DAB1: variants seen among roughly 807,000 people sequenced by gnomAD.
The protein encoded by DAB1 is DAB adaptor protein 1.
Under a neutral mutation model 64.6 loss-of-function variants are expected in DAB1, and 15 were observed. That is an observed-to-expected ratio of 0.23 (90% CI 0.16 to 0.36). The LOEUF is 0.36. Ranked by LOEUF, DAB1 falls within the 10% of genes least tolerant of loss-of-function variation. The probability of loss-of-function intolerance (pLI) is 1.00; values close to 1 mark genes in which losing one functional copy is unlikely to be tolerated. For synonymous variants in DAB1, 235 were observed against 251.9 expected, an observed-to-expected ratio of 0.93 and a Z score of 0.64; for missense variants, 596 against 706.7, an observed-to-expected ratio of 0.84 and a Z score of 1.78.
At chr1:58,246,914 A>ATG in intron 4 of DAB1, among the ~76,000 whole-genome samples, 1 of 152,004 alleles carries the variant, frequency 6.6e-6, no homozygotes, top group South Asian at 2.1e-4. Context: ...CGGTGTGAGC[A>ATG]TGTGTGTGTG....
chr1:58,424,913 T>C (rs994245273), intron 3 of DAB1, among the ~76,000 whole-genome samples: 1 of 148,976 alleles, frequency 6.7e-6, no homozygotes, highest in African/African-American at 2.5e-5. Flanking sequence ...GTGGTGTGGG[T>C]GGGTGGGTGA....
chr1:57,141,359 G>T (rs1658573741), intron 3 of DAB1, among the ~76,000 whole-genome samples: 1 of 152,154 alleles, frequency 6.6e-6, no homozygotes. Context: ...AGGAGAGAGA[G>T]GTCAGGGCAT....
intron 1 of DAB1, among the ~76,000 whole-genome samples, chr1:57,396,805 C>A (rs1682846163): frequency 6.6e-6 from 1 of 152,134 alleles, no homozygotes; most frequent in South Asian, 2.1e-4. Context: ...GTTAGTAAGT[C>A]CAGGCCTCAG....
At chr1:57,913,338 T>C (rs1018088260) in intron 5 of DAB1, among the ~76,000 whole-genome samples, 12 of 152,168 alleles carry the variant, frequency 7.9e-5, no homozygotes, top group Admixed American at 2.0e-4. Context: ...AAACAAGAAA[T>C]GGGGAAAGGA....
At chr1:57,800,658 G>A (rs879843229) in intron 6 of DAB1, among the ~76,000 whole-genome samples, 7 of 152,124 alleles carry the variant, frequency 4.6e-5, no homozygotes, top group Admixed American at 6.5e-5. Context: ...TACAGTCTCG[G>A]GAAGAAATAC....
chr1:58,216,182 C>T (rs1269252251), intron 4 of DAB1, among the ~76,000 whole-genome samples: 1 of 152,024 alleles, frequency 6.6e-6, no homozygotes, highest in African/African-American at 2.4e-5. Context: ...CCTCCCTTAG[C>T]CCCCACCCCC....
rs140124824 is a variant in DAB1 at position 58,046,486 on chromosome 1, T to G, written n.387+104025A>C. ...GTTGATTTTTTTTTCGAAGGTAGGATTATGAACTACTTTAAGGCCCTCTGA... is the reference window on the plus strand; with the variant it reads ...GTTGATTTTTTTTTCGAAGGTAGGAGTATGAACTACTTTAAGGCCCTCTGA... On this transcript the variant is annotated intron_variant and non_coding_transcript_variant, in intron 5 of 20. Coordinates refer to the DAB1 transcript ENST00000485760. Among the ~76,000 whole-genome samples the G allele has an allele frequency of 2.7e-3, 406 of 152,244 alleles. 1 individual carries two copies. Among genetic ancestry groups the G allele is most frequent in the African/African-American group, 7.8e-3 (324 of 41,538 alleles).
chr1:57,737,548 T>G (rs948403344), intron 6 of DAB1, among the ~76,000 whole-genome samples: 4 of 152,170 alleles, frequency 2.6e-5, no homozygotes, highest in African/African-American at 9.7e-5. Context: ...CTTAGGAAAA[T>G]GACGGGCACG....
chr1:57,156,846 T>C (rs1660269430), intron 2 of DAB1, among the ~76,000 whole-genome samples: 1 of 152,166 alleles, frequency 6.6e-6, no homozygotes, highest in Non-Finnish European at 1.5e-5. Context: ...ACAGAGTAAA[T>C]TCCCCATTTT....
intron 2 of DAB1, among the ~76,000 whole-genome samples, chr1:58,515,000 C>A (rs1646138053): frequency 6.6e-6 from 1 of 152,112 alleles, no homozygotes; most frequent in East Asian, 1.9e-4. Flanking sequence ...CAGTGCCCAG[C>A]ACATTAAAAA....
chr1:58,127,011 C>A (rs1428562611), intron 5 of DAB1, among the ~76,000 whole-genome samples: 1 of 150,310 alleles, frequency 6.7e-6, no homozygotes, highest in Non-Finnish European at 1.5e-5. Flanking sequence ...ATTTCTAGTT[C>A]TAGATCCCTG....
intron 4 of DAB1, among the ~76,000 whole-genome samples, chr1:57,112,525 A>G (rs1199612107): frequency 2.6e-5 from 4 of 152,154 alleles, no homozygotes; most frequent in African/African-American, 9.7e-5. Flanking sequence ...CCAGGTAGAG[A>G]GCAAGCTGAA....
At chr1:58,142,359 AG>A (rs753463463) in intron 5 of DAB1, among the ~76,000 whole-genome samples, 5 of 152,336 alleles carry the variant, frequency 3.3e-5, no homozygotes, top group Non-Finnish European at 7.3e-5. Flanking sequence ...TTTTAAAAAG[AG>A]GGTTTCCAGA....
At chr1:57,383,224 A>T (rs913550954) in intron 1 of DAB1, among the ~76,000 whole-genome samples, 12 of 152,162 alleles carry the variant, frequency 7.9e-5, no homozygotes, top group African/African-American at 1.7e-4. Flanking sequence ...TTAATTTTTT[A>T]AAAAATGTAT....
chr1:58,300,600 GAA>G lies in DAB1; in HGVS notation n.309+42750_309+42751del, dbSNP rs1299690502. On this transcript the variant is annotated intron_variant and non_coding_transcript_variant, in intron 4 of 20. Coordinates refer to the DAB1 transcript ENST00000485760. ...AGAAAGAAAGAAAGAAAGAAAGAAA[GAA>G]AGAAAGAAAGAGAGAGAGAGAGAGA... Among the ~76,000 whole-genome samples the G allele has an allele frequency of 4.0e-3, 153 of 38,694 alleles. 4 individuals are homozygous for G. The highest frequency in any genetic ancestry group is 0.014 in the Middle Eastern group (1 of 70). The allele number at this position is 38,694 out of a possible 152,430, so 25.4% of individuals were successfully genotyped here.
intron 4 of DAB1, among the ~76,000 whole-genome samples, chr1:58,201,026 T>A (rs1482037107): frequency 4.0e-5 from 6 of 151,694 alleles, no homozygotes; most frequent in Non-Finnish European, 8.8e-5. Flanking sequence ...TGTTTTGTTT[T>A]TTTTTTTTGA....
At chr1:57,624,506 C>G (rs1016778738) in intron 7 of DAB1, among the ~76,000 whole-genome samples, 1 of 152,202 alleles carries the variant, frequency 6.6e-6, no homozygotes, top group Non-Finnish European at 1.5e-5. Context: ...TTATACCCAA[C>G]TTGAAATGAG....
chr1:57,596,111 C>G (rs1166768791), intron 7 of DAB1, among the ~76,000 whole-genome samples: 1 of 152,180 alleles, frequency 6.6e-6, no homozygotes, highest in Admixed American at 6.5e-5. Context: ...CTTTGTTAGG[C>G]TGATTCTCTA....
chr1:57,181,472 C>T (rs1176210091), intron 2 of DAB1, among the ~76,000 whole-genome samples: 1 of 152,140 alleles, frequency 6.6e-6, no homozygotes, highest in Non-Finnish European at 1.5e-5. Flanking sequence ...CTTGAAAATG[C>T]CCATGACAAT....
Sources: allele counts gnomAD v4.1 joint callset (sites outside exome capture counted in the v4.1 genomes callset), GRCh38; gene constraint gnomAD v4.1.1; transcripts MANE v1.5; gene names NCBI Gene and HGNC (gene_info 2026-07-23, HGNC 2026-07-21).